Variants in DPP10 observed in about 807,000 individuals in gnomAD.
DPP10 encodes inactive dipeptidyl peptidase 10.
A neutral mutation model predicts 120.9 loss-of-function variants in DPP10; 33 were observed. That is an observed-to-expected ratio of 0.27 (90% CI 0.21 to 0.37). The LOEUF (loss-of-function observed/expected upper bound fraction) is 0.37. Among genes scored for constraint, DPP10 ranks in the 10% least tolerant of loss-of-function variants. The pLI is 1.00. For missense variants in DPP10, 816 were observed against 942.8 expected (o/e 0.87, Z 1.76); for synonymous variants, 337 against 326.1 (o/e 1.03, Z -0.36).
At chr2:114,835,199 A>C (rs747817368) in intron 1 of DPP10, 2 of 149,582 alleles carry the variant, frequency 1.3e-5, no homozygotes, top group Non-Finnish European at 2.9e-5. Context: ...ACATATCTAC[A>C]TACCTATGTA....
rs10170798 is a variant in DPP10, at chr2:114,922,737, C to T, written c.61-386502C>T. Among the ~76,000 whole-genome samples the T allele has an allele frequency of 9.8e-3, 1,491 of 152,156 alleles. 18 individuals carry two copies. Among genetic ancestry groups the T allele is most frequent in the African/African-American group, 0.035 (1,437 of 41,476 alleles). On this transcript the variant is annotated intron_variant, in intron 1 of 25. Transcript: ENST00000410059. The stretch of plus-strand genomic sequence containing the variant: ...TGAATCAACAATTTGTTTTTTAAAA[C>T]TGATGAACAATATTATATTTTATGG...
In DPP10 at chr2:114,800,963, C is replaced by T. The variant is rs141070691; in HGVS notation, c.60+358125C>T. On this transcript the variant is annotated intron_variant, in intron 1 of 25. Coordinates refer to ENST00000410059, the MANE Select transcript of DPP10 (RefSeq NM_020868.6). The stretch of plus-strand genomic sequence containing the variant: ...TAAAAAAAAAAAAATCACATCTTTA[C>T]GAAAGGTACAGAAGAATGGGCCGGG... Among the ~76,000 whole-genome samples, 919 of 151,446 alleles carry T rather than the reference C, an allele frequency of 6.1e-3. 12 individuals are homozygous for T. The highest frequency in any genetic ancestry group is 0.02 in the African/African-American group (832 of 41,292).
At chr2:115,364,487 C>G (rs1000601081) in intron 3 of DPP10, among the ~76,000 whole-genome samples, 1 of 151,958 alleles carries the variant, frequency 6.6e-6, no homozygotes, top group African/African-American at 2.4e-5. Context: ...GTTTGTATCC[C>G]CAAACCATGT....
intron 1 of DPP10, among the ~76,000 whole-genome samples, chr2:115,184,962 T>C (rs922434721): frequency 1.3e-5 from 2 of 152,220 alleles, no homozygotes; most frequent in African/African-American, 2.4e-5. Context: ...TCATCATTGC[T>C]TGAGGAAAAC....
intron 1 of DPP10, among the ~76,000 whole-genome samples, chr2:114,537,838 CA>C (rs1686635606): frequency 6.6e-6 from 1 of 152,158 alleles, no homozygotes; most frequent in South Asian, 2.1e-4. Context: ...GAATTTCTGT[CA>C]CATAAATGGA....
At chr2:115,126,896 A>G (rs767243729) in intron 1 of DPP10, among the ~76,000 whole-genome samples, 8 of 152,188 alleles carry the variant, frequency 5.3e-5, no homozygotes, top group Non-Finnish European at 8.8e-5. Flanking sequence ...TATTCCTCCA[A>G]TGGGTAAGAT....
chr2:115,446,661 A>G (rs1267325966), intron 3 of DPP10, among the ~76,000 whole-genome samples: 3 of 152,036 alleles, frequency 2.0e-5, no homozygotes, highest in Non-Finnish European at 2.9e-5. Flanking sequence ...CTATTTCCAT[A>G]TATCTTCCTG....
At chr2:114,687,745 G>A (rs1699466257) in intron 1 of DPP10, among the ~76,000 whole-genome samples, 1 of 151,946 alleles carries the variant, frequency 6.6e-6, no homozygotes, top group Non-Finnish European at 1.5e-5. Flanking sequence ...AGAGCCTGGA[G>A]CAAGGCTTCC....
At chr2:115,244,462 A>G (rs908665199) in intron 1 of DPP10, among the ~76,000 whole-genome samples, 2 of 151,952 alleles carry the variant, frequency 1.3e-5, no homozygotes, top group African/African-American at 2.4e-5. Flanking sequence ...AGCCAAAACA[A>G]ATAGCTTACA....
chr2:114,784,281 G>T (rs1682582555), intron 1 of DPP10, among the ~76,000 whole-genome samples: 1 of 152,050 alleles, frequency 6.6e-6, no homozygotes, highest in South Asian at 2.1e-4. Flanking sequence ...AACAAGTTAT[G>T]TAACTTACTC....
chr2:114,480,108 C>T (rs1680886810), intron 1 of DPP10, among the ~76,000 whole-genome samples: 2 of 152,178 alleles, frequency 1.3e-5, no homozygotes, highest in East Asian at 1.9e-4. Flanking sequence ...TGAAAGAATG[C>T]TCATCATCAC....
chr2:114,861,862 T>G (rs183327920), intron 1 of DPP10, among the ~76,000 whole-genome samples: 1 of 152,302 alleles, frequency 6.6e-6, no homozygotes, highest in East Asian at 1.9e-4. Context: ...TTTCAGCATG[T>G]GTAATACAAG....
intron 3 of DPP10, among the ~76,000 whole-genome samples, chr2:115,388,378 G>T (rs1269855483): frequency 6.6e-6 from 1 of 152,184 alleles, no homozygotes; most frequent in African/African-American, 2.4e-5. Flanking sequence ...GATTCCTCTT[G>T]CAGGAGAGCC....
chr2:115,408,297 C>T (rs1264161300), intron 3 of DPP10, among the ~76,000 whole-genome samples: 2 of 152,102 alleles, frequency 1.3e-5, no homozygotes, highest in African/African-American at 4.8e-5. Flanking sequence ...GAGGCTCCAC[C>T]CCAATCTCCC....
intron 5 of DPP10, among the ~76,000 whole-genome samples, chr2:115,584,298 A>T (rs1282263845): frequency 6.6e-6 from 1 of 152,230 alleles, no homozygotes; most frequent in Non-Finnish European, 1.5e-5. Flanking sequence ...CATTATCTAC[A>T]GCAGAGGTGA....
At chr2:115,066,986 A>T (rs1483240952) in intron 1 of DPP10, among the ~76,000 whole-genome samples, 1 of 152,164 alleles carries the variant, frequency 6.6e-6, no homozygotes, top group African/African-American at 2.4e-5. Flanking sequence ...AATGATAGGT[A>T]TGGTCTATTG....
At chr2:115,325,086 G>A (rs1056651378) in intron 2 of DPP10, among the ~76,000 whole-genome samples, 1 of 151,982 alleles carries the variant, frequency 6.6e-6, no homozygotes, top group East Asian at 1.9e-4. Flanking sequence ...TAATAATAAA[G>A]TATGAAAAAT....
intron 21 of DPP10, among the ~76,000 whole-genome samples, chr2:115,833,358 C>T (rs910497399): frequency 1.3e-5 from 2 of 152,146 alleles, no homozygotes; most frequent in African/African-American, 4.8e-5. Context: ...ATGTGTGATG[C>T]ATTCCTCACT....
intron 1 of DPP10, among the ~76,000 whole-genome samples, chr2:114,591,822 C>T (rs1691493113): frequency 1.3e-5 from 2 of 151,964 alleles, no homozygotes; most frequent in South Asian, 4.2e-4. Flanking sequence ...CAAAGTGCTA[C>T]AGGGGTGAGC....
Sources: allele counts gnomAD v4.1 joint callset (sites outside exome capture counted in the v4.1 genomes callset), GRCh38; gene constraint gnomAD v4.1.1; transcripts MANE v1.5; gene names NCBI Gene and HGNC (gene_info 2026-07-23, HGNC 2026-07-21).